CDK19: variants seen among roughly 807,000 people sequenced by gnomAD.
CDK19 encodes cyclin-dependent kinase 19.
A neutral mutation model predicts 68.3 loss-of-function variants in CDK19; 20 were observed. That is an observed-to-expected ratio of 0.29 (90% CI 0.21 to 0.43). The LOEUF (loss-of-function observed/expected upper bound fraction) is 0.43. CDK19 is among the 20% of genes least tolerant of loss of function. The pLI, the probability that CDK19 is intolerant of heterozygous loss-of-function variation, is 1.00. For synonymous variants in CDK19, 221 were observed against 222.8 expected (o/e 0.99, Z 0.07); for missense variants, 339 against 623.5 (o/e 0.54, Z 4.86).
chr6:110,670,575 T>C, intron 2 of CDK19, 34 bp from the exon 3 acceptor site: 1 of 1,241,304 alleles, frequency 8.1e-7, no homozygotes, highest in Non-Finnish European at 1.2e-6. Flanking sequence ...GTCACTGTTG[T>C]GTTAGCAAGG....
At chr6:110,749,508 A>G (rs1254164459) in intron 1 of CDK19, among the ~76,000 whole-genome samples, 1 of 151,998 alleles carries the variant, frequency 6.6e-6, no homozygotes, top group East Asian at 1.9e-4. Context: ...CTGCAGGCAC[A>G]TACCACACAC....
At chr6:110,696,268 G>A (rs1030805464) in intron 2 of CDK19, among the ~76,000 whole-genome samples, 2 of 152,142 alleles carry the variant, frequency 1.3e-5, no homozygotes, top group Admixed American at 6.6e-5. Flanking sequence ...GTCAATAGAT[G>A]CAGAAAAAGC....
rs983081686 is a variant in CDK19, at chr6:110,808,950, T to C, written c.128+6059A>G. Among the ~76,000 whole-genome samples the C allele has an allele frequency of 1.1e-4, 17 of 151,898 alleles. No homozygotes were observed. In the East Asian group the frequency reaches 3.1e-3, roughly 28 times the overall value. On this transcript the variant is annotated intron_variant, in intron 1 of 12. Coordinates refer to ENST00000368911, the MANE Select transcript of CDK19 (RefSeq NM_015076.5). Reference sequence around the variant, plus strand: ...GGCCAGGCGTGGTGGCTCACACTTGTAATCCCGGCACTTTGGGAGGCCGAG... The same window carrying C: ...GGCCAGGCGTGGTGGCTCACACTTGCAATCCCGGCACTTTGGGAGGCCGAG...
chr6:110,669,262 A>G (rs1388268024), intron 3 of CDK19, among the ~76,000 whole-genome samples: 1 of 152,254 alleles, frequency 6.6e-6, no homozygotes, highest in Non-Finnish European at 1.5e-5. Context: ...TGAGTCTGTT[A>G]AAGTTATTCC....
At chr6:110,650,873 T>C (rs753582036) in intron 4 of CDK19, among the ~76,000 whole-genome samples, 1 of 152,176 alleles carries the variant, frequency 6.6e-6, no homozygotes, top group Non-Finnish European at 1.5e-5. Flanking sequence ...AGTACCAGAA[T>C]TGGGCAGGTT....
At chr6:110,751,245 G>A (rs1778455359) in intron 1 of CDK19, among the ~76,000 whole-genome samples, 1 of 152,162 alleles carries the variant, frequency 6.6e-6, no homozygotes, top group Admixed American at 6.5e-5. Flanking sequence ...GGTGAGTGGT[G>A]GGCGAGCAAG....
intron 1 of CDK19, among the ~76,000 whole-genome samples, chr6:110,802,153 C>A (rs1782386281): frequency 1.3e-5 from 2 of 152,152 alleles, no homozygotes; most frequent in African/African-American, 4.8e-5. Context: ...AATAGAATTA[C>A]CATTTGACCC....
rs916273804 is a variant in CDK19 at position 110,803,391 on chromosome 6, T to G, written c.128+11618A>C. ...ACCGCGTCCAGCCTAGACTTTTACTTTTCATTTTATATACAACTATACTAA... is the reference window on the plus strand; with the variant it reads ...ACCGCGTCCAGCCTAGACTTTTACTGTTCATTTTATATACAACTATACTAA... On this transcript the variant is annotated intron_variant, in intron 1 of 12. Transcript: ENST00000368911. Among the ~76,000 whole-genome samples, 8 of 151,890 alleles carry G rather than the reference T, an allele frequency of 5.3e-5. No homozygotes were observed. In the East Asian group the frequency reaches 9.7e-4, roughly 18 times the overall value.
At chr6:110,685,134 T>A (rs542209274) in intron 2 of CDK19, among the ~76,000 whole-genome samples, 1 of 151,892 alleles carries the variant, frequency 6.6e-6, no homozygotes, top group Non-Finnish European at 1.5e-5. Context: ...CGAAACTCTG[T>A]CTCAAAAAAA....
At chr6:110,788,145 TTTG>T (rs1781364911) in intron 1 of CDK19, among the ~76,000 whole-genome samples, 1 of 151,140 alleles carries the variant, frequency 6.6e-6, no homozygotes, top group Non-Finnish European at 1.5e-5. Context: ...TGGCCTGTTT[TTTG>T]TTTTTTTGTT....
At chr6:110,691,959 T>TA (rs1773031309) in intron 2 of CDK19, among the ~76,000 whole-genome samples, 15 of 150,312 alleles carry the variant, frequency 1.0e-4, no homozygotes, top group African/African-American at 3.4e-4. Flanking sequence ...CATCTCTATT[T>TA]TAAAAAAAAA....
intron 1 of CDK19, among the ~76,000 whole-genome samples, chr6:110,792,532 C>G (rs983862280): frequency 2.0e-5 from 3 of 152,102 alleles, no homozygotes; most frequent in African/African-American, 7.2e-5. Flanking sequence ...CTCAGCCTCC[C>G]GAGTAGCTGG....
At chr6:110,631,598 T>C (rs2114703344) in intron 6 of CDK19, among the ~76,000 whole-genome samples, 1 of 152,342 alleles carries the variant, frequency 6.6e-6, no homozygotes. Flanking sequence ...AGATTAGTTA[T>C]ATTGCTTCTT....
At chr6:110,814,266 C>G (rs537326857) in intron 1 of CDK19, 100 of 300,850 alleles carry the variant, frequency 3.3e-4, no homozygotes, top group African/African-American at 2.2e-3. Flanking sequence ...CAAGGGGCTG[C>G]AAGGTAAAGG....
At chr6:110,813,413 A>C (rs965354278) in intron 1 of CDK19, 49 of 152,208 alleles carry the variant, frequency 3.2e-4, no homozygotes, top group Non-Finnish European at 4.4e-5. Flanking sequence ...ATTTATTAAC[A>C]ATGTCCAAAC....
chr6:110,642,613 A>C (rs1582755814), intron 4 of CDK19, among the ~76,000 whole-genome samples: 1 of 152,202 alleles, frequency 6.6e-6, no homozygotes, highest in Non-Finnish European at 1.5e-5. Flanking sequence ...ATTATGGCTG[A>C]CTAAGTGCTC....
At chr6:110,810,651 G>A (rs953472075) in intron 1 of CDK19, among the ~76,000 whole-genome samples, 4 of 152,034 alleles carry the variant, frequency 2.6e-5, no homozygotes, top group African/African-American at 9.7e-5. Flanking sequence ...GTGCATGCCT[G>A]TAATCCCAGC....
chr6:110,694,159 T>C (rs1192226680), intron 2 of CDK19, among the ~76,000 whole-genome samples: 2 of 150,352 alleles, frequency 1.3e-5, no homozygotes, highest in East Asian at 1.9e-4. Context: ...TAATGTTGAA[T>C]GTAAATGGCT....
At chr6:110,745,203 T>A (rs1583007611) in intron 2 of CDK19, among the ~76,000 whole-genome samples, 1 of 152,292 alleles carries the variant, frequency 6.6e-6, no homozygotes, top group East Asian at 1.9e-4. Context: ...AAAATGGGGA[T>A]ATTAAAATTT....
Sources: allele counts gnomAD v4.1 joint callset (sites outside exome capture counted in the v4.1 genomes callset), GRCh38; gene constraint gnomAD v4.1.1; transcripts MANE v1.5; gene names NCBI Gene and HGNC (gene_info 2026-07-23, HGNC 2026-07-21).